Variants in MDN1 observed in about 807,000 individuals in gnomAD.
MDN1 encodes midasin.
Under a neutral mutation model 669.2 loss-of-function variants are expected in MDN1, and 266 were observed. The observed-to-expected ratio is 0.40, with a 90% confidence interval of 0.36 to 0.44. MDN1 has a LOEUF of 0.44. Ranked by LOEUF, MDN1 falls within the 20% of genes least tolerant of loss-of-function variation. The probability of loss-of-function intolerance (pLI) is 1.00; values close to 1 mark genes in which losing one functional copy is unlikely to be tolerated. For synonymous variants in MDN1, 2,385 were observed against 2,457.1 expected (o/e 0.97, Z 0.87); for missense variants, 5,940 against 6,754.0 (o/e 0.88, Z 4.22).
At chr6:89,718,664 C>A in intron 42 of MDN1, 37 bp from the exon 43 acceptor site, 2 of 1,609,096 alleles carry the variant, frequency 1.2e-6, no homozygotes, top group African/African-American at 1.3e-5. Context: ...ATCATAGGGT[C>A]AGAGAATACT....
Position 89,678,476 on chromosome 6 carries a change from G to A in MDN1, c.12412+123C>T, listed in dbSNP as rs1420317187. On this transcript the variant is annotated intron_variant, in intron 75 of 101. Coordinates refer to ENST00000369393, the MANE Select transcript of MDN1 (RefSeq NM_014611.3). ...GAACTCTTAGACATCTGGAAACCTTGCCTGTACCTTCTGTTGTCCACCATC... is the reference window on the plus strand; with the variant it reads ...GAACTCTTAGACATCTGGAAACCTTACCTGTACCTTCTGTTGTCCACCATC... 3.5e-6 allele frequency: 4 copies of A among 1,147,328 alleles called. No individual in the cohort carries two copies. In the African/African-American group the frequency reaches 4.6e-5, roughly 13 times the overall value. 71.1% of individuals were successfully genotyped at this position (1,147,328 alleles called of 1,614,324 possible).
At chr6:89,751,394 T>C (rs1256039912) in intron 23 of MDN1, 37 bp downstream of exon 23, 2 of 1,612,958 alleles carry the variant, frequency 1.2e-6, no homozygotes, top group African/African-American at 1.3e-5. Flanking sequence ...CCTATGCCTG[T>C]ATCAAGTTCG....
rs1248791390 is a variant in MDN1, at chr6:89,678,609, A to G, written c.12402T>C (p.Leu4134=). The G allele has an allele frequency of 6.2e-7, 1 of 1,612,958 alleles. No homozygotes were observed. Among genetic ancestry groups the G allele is most frequent in the Admixed American group, 1.7e-5 (1 of 59,702 alleles). The change falls in exon 75 of 102, where the codon CTT becomes CTC. Residue 4134 remains leucine, a synonymous_variant. Transcript: ENST00000369393. ...AAGTGAGAACCTTACCAATTTTTGC[A>G]AGGTGTTTAAAGAGGTCTGACAAAG... The part of the protein sequence containing the change: ...QRALSDLFKH[L]AKIGLSYRKG...
chr6:89,710,643 CA>C (rs569901305), intron 50 of MDN1, 37 bp downstream of exon 50: 4 of 1,246,026 alleles, frequency 3.2e-6, no homozygotes, highest in Non-Finnish European at 4.4e-6. Flanking sequence ...GATAAGTTTC[CA>C]AAACAGTGCT....
intron 91 of MDN1, among the ~76,000 whole-genome samples, 189 bp downstream of exon 91, chr6:89,656,511 C>T (rs1280368866): frequency 6.6e-6 from 1 of 152,004 alleles, no homozygotes. Flanking sequence ...GGGAAGAAGC[C>T]GTGACGGGAT....
At chr6:89,659,257 C>T (rs1460337834) in intron 88 of MDN1, among the ~76,000 whole-genome samples, 2 of 152,190 alleles carry the variant, frequency 1.3e-5, no homozygotes, top group Non-Finnish European at 2.9e-5. Flanking sequence ...CCTATGGTCT[C>T]GGCTACTCAG....
rs748877965 is a variant in MDN1 at position 89,743,267 on chromosome 6, G to A, written c.4331C>T (p.Thr1444Ile). The part of the protein sequence containing the change: ...QKPNDKEEID[T>I]SRLFEWHDGP... Reference sequence around the variant, plus strand: ...ATCATGCCACTCAAAGAGTCTTGATGTGTCAATTTCTTCCTATAATTTGAA... The same window carrying A: ...ATCATGCCACTCAAAGAGTCTTGATATGTCAATTTCTTCCTATAATTTGAA... The change falls in exon 31 of 102, where the codon ACA becomes ATA. Residue 1444 changes from threonine to isoleucine, a missense_variant. Transcript: ENST00000369393. 1.9e-6 allele frequency: 3 copies of A among 1,614,122 alleles called. No individual in the cohort carries two copies. The highest frequency in any genetic ancestry group is 1.7e-6 in the Non-Finnish European group (2 of 1,179,988).
chr6:89,794,424 C>T (rs1451339365), intron 3 of MDN1, among the ~76,000 whole-genome samples, 153 bp downstream of exon 3: 1 of 152,164 alleles, frequency 6.6e-6, no homozygotes, highest in East Asian at 1.9e-4. Flanking sequence ...TGCAATGACA[C>T]ATGATTAAAG....
intron 7 of MDN1, among the ~76,000 whole-genome samples, chr6:89,789,085 C>T (rs1033370898): frequency 6.6e-6 from 1 of 151,554 alleles, no homozygotes; most frequent in African/African-American, 2.4e-5. Flanking sequence ...GATCGTGCTA[C>T]TGCACTCCAG....
chr6:89,676,625 C>A (rs750367912), intron 76 of MDN1, among the ~76,000 whole-genome samples: 1 of 152,146 alleles, frequency 6.6e-6, no homozygotes, highest in Non-Finnish European at 1.5e-5. Context: ...TGTGTCCTAT[C>A]AAAAGGAGGA....
intron 36 of MDN1, among the ~76,000 whole-genome samples, chr6:89,728,314 TAA>T (rs1294060265): frequency 6.6e-6 from 1 of 152,162 alleles, no homozygotes; most frequent in African/African-American, 2.4e-5. Flanking sequence ...CTTAGATTGT[TAA>T]AAGTCATTTT....
rs1243510604 is a variant in MDN1 at position 89,749,633 on chromosome 6, T to C, written c.3525A>G (p.Leu1175=). The stretch of plus-strand genomic sequence containing the variant: ...TAACAACTTCCTGTGTTTCTGTTAC[T>C]AGCAATTCACGGTTATCATCCAACA... The part of the protein sequence containing the change: ...NRLLDDNREL[L]VTETQEVVKA... The change falls in exon 25 of 102, where the codon CTA becomes CTG. Residue 1175 remains leucine, a synonymous_variant. Transcript: ENST00000369393. The C allele has an allele frequency of 6.2e-7, 1 of 1,614,184 alleles. No individual in the cohort carries two copies. The highest frequency in any genetic ancestry group is 1.1e-5 in the South Asian group (1 of 91,086).
At chr6:89,680,153 T>A (rs574782160) in intron 74 of MDN1, among the ~76,000 whole-genome samples, 115 of 152,212 alleles carry the variant, frequency 7.6e-4, no homozygotes, top group African/African-American at 2.6e-3. Flanking sequence ...CGCTCTCACC[T>A]TCCCTGAGCA....
rs1168606501 is a variant in MDN1 at position 89,670,139 on chromosome 6, C to CATATATATATAT, written c.13956+768_13956+779dup. On this transcript the variant is annotated intron_variant, in intron 83 of 101. Transcript: ENST00000369393. ...TTTGGAGACTCTGTCTCCAAAAAAACATATATATATATATATATATATATA... is the reference window on the plus strand; with the variant it reads ...TTTGGAGACTCTGTCTCCAAAAAAACATATATATATATATATATATATATATATATATATATA... 6.5e-4 allele frequency among the ~76,000 whole-genome samples: 32 copies of CATATATATATAT among 48,958 alleles called. 1 individual carries two copies. Among genetic ancestry groups the CATATATATATAT allele is most frequent in the East Asian group, 3.5e-3 (2 of 574 alleles). The allele number at this position is 48,958 out of a possible 152,430, so 32.1% of individuals were successfully genotyped here. A position where few individuals can be genotyped will look rare whatever the true frequency, so the allele number is the denominator to read the frequency against.
In MDN1 at chr6:89,804,985, C is replaced by T. The variant is rs554938086; in HGVS notation, c.103-1431G>A. ...CCGGGAGGCGGAGCCTGTAGTGAGC[C>T]GAGATCGTGCCACTGCACTCTAGCC... On this transcript the variant is annotated intron_variant, in intron 1 of 101. Coordinates refer to ENST00000369393, the MANE Select transcript of MDN1 (RefSeq NM_014611.3). Among the ~76,000 whole-genome samples the T allele has an allele frequency of 7.7e-5, 10 of 130,364 alleles. No homozygotes were observed. In the East Asian group the frequency reaches 2.0e-3, roughly 26 times the overall value. 85.5% of individuals were successfully genotyped at this position (130,364 alleles called of 152,430 possible).
intron 22 of MDN1, 70 bp downstream of exon 22, chr6:89,753,442 A>C (rs909546769): frequency 2.1e-5 from 25 of 1,168,752 alleles, no homozygotes; most frequent in Non-Finnish European, 3.0e-5. Flanking sequence ...AAAAAAAAAA[A>C]CCAAACAGCT....
chr6:89,818,820 A>T (rs1198497218), intron 1 of MDN1, among the ~76,000 whole-genome samples: 1 of 151,912 alleles, frequency 6.6e-6, no homozygotes, highest in East Asian at 1.9e-4. Context: ...AAAAAAAAAA[A>T]AAGTGTCTTC....
intron 15 of MDN1, among the ~76,000 whole-genome samples, chr6:89,768,802 T>A (rs1817936132): frequency 6.6e-6 from 1 of 152,068 alleles, no homozygotes; most frequent in Non-Finnish European, 1.5e-5. Context: ...GTGCCTATAA[T>A]CCCAGCACTT....
intron 18 of MDN1, 122 bp downstream of exon 18, chr6:89,758,694 A>C (rs560833575): frequency 1.0e-5 from 11 of 1,068,518 alleles, no homozygotes; most frequent in Non-Finnish European, 1.5e-5. Flanking sequence ...TAATATCTAA[A>C]GAATGAACAA....
Sources: gnomAD v4.1 joint callset for allele counts (sites outside exome capture counted in the v4.1 genomes callset) on GRCh38, gnomAD v4.1.1 for gene constraint, MANE v1.5 for transcripts, NCBI Gene and HGNC (gene_info 2026-07-23, HGNC 2026-07-21) for gene names.